Variants in UGT1A4 observed in about 807,000 individuals in gnomAD.
The protein encoded by UGT1A4 is UDP-glucuronosyltransferase 1A4.
In UGT1A4, 32 loss-of-function variants were observed where a neutral mutation model predicts 41.1. The observed-to-expected ratio is 0.78, with a 90% CI of 0.59 to 1.05. The LOEUF (loss-of-function observed/expected upper bound fraction) is 1.05, where lower values mean the gene tolerates loss of function less well. Ranked by LOEUF, UGT1A4 falls within the 50% of genes least tolerant of loss-of-function variation. The pLI, the probability that UGT1A4 is intolerant of heterozygous loss-of-function variation, is 0.00. For synonymous variants in UGT1A4, 283 were observed against 265.1 expected (o/e 1.07, Z -0.66); for missense variants, 748 against 677.4 (o/e 1.10, Z -1.16).
In UGT1A4 at chr2:233,760,763, T is replaced by C. The variant is rs587784539; in HGVS notation, c.868-6271T>C. 4.6e-5 allele frequency: 74 copies of C among 1,613,968 alleles called. 1 individual carries two copies. In the South Asian group the frequency reaches 7.5e-4, roughly 16 times the overall value. ...GACCCTTTCCTTCCTTGCAGCCCCA[T>C]CGTGGCCCAGTACCTGTCTCTGCCC... On this transcript the variant is annotated intron_variant, in intron 1 of 4. Transcript: ENST00000373409.
At chr2:233,725,000 CG>C (rs201780710) in intron 1 of UGT1A4, among the ~76,000 whole-genome samples, 7,734 of 147,282 alleles carry the variant, frequency 0.053, 1,119 homozygotes, top group African/African-American at 0.18. Context: ...GGCTGGAGAC[CG>C]GCCCGGCCAA....
intron 1 of UGT1A4, chr2:233,756,338 CTTGA>C (rs895884492): frequency 6.6e-6 from 1 of 152,178 alleles, no homozygotes; most frequent in Non-Finnish European, 1.5e-5. Context: ...CTAGTCATCT[CTTGA>C]TTACTTTTAC....
At chr2:233,766,979 T>C in intron 1 of UGT1A4, 55 bp from the exon 2 acceptor site, 1 of 1,612,672 alleles carries the variant, frequency 6.2e-7, no homozygotes, top group Non-Finnish European at 8.5e-7. Flanking sequence ...TTACTGTATG[T>C]AGTCATCAAA....
intron 1 of UGT1A4, among the ~76,000 whole-genome samples, chr2:233,724,528 C>T (rs1239231307): frequency 1.8e-5 from 2 of 112,842 alleles, no homozygotes; most frequent in Admixed American, 1.7e-4. Flanking sequence ...GATGGGGTCT[C>T]GCCGGGCAGA....
At chr2:233,766,592 C>T (rs1699195975) in intron 1 of UGT1A4, among the ~76,000 whole-genome samples, 1 of 152,146 alleles carries the variant, frequency 6.6e-6, no homozygotes, top group Admixed American at 6.5e-5. Flanking sequence ...GGAGCCCTCG[C>T]CAGGGACCAC....
intron 1 of UGT1A4, among the ~76,000 whole-genome samples, chr2:233,727,195 C>T (rs2077591611): frequency 6.6e-6 from 1 of 152,150 alleles, no homozygotes; most frequent in Non-Finnish European, 1.5e-5. Flanking sequence ...GCTGGGGTGA[C>T]CTCACTGACA....
intron 1 of UGT1A4, chr2:233,760,636 A>G (rs1559407230): frequency 6.2e-7 from 1 of 1,614,144 alleles, no homozygotes; most frequent in South Asian, 1.1e-5. Context: ...CAAGAAAATA[A>G]AAAAGGACTC....
At chr2:233,767,675 C>G (rs1273555402) in intron 2 of UGT1A4, among the ~76,000 whole-genome samples, 174 bp from the exon 3 acceptor site, 1 of 152,180 alleles carries the variant, frequency 6.6e-6, no homozygotes, top group Non-Finnish European at 1.5e-5. Context: ...ACTAAACCTC[C>G]AAAACAAGAT....
At chr2:233,755,025 G>C (rs766586741) in intron 1 of UGT1A4, 29 of 1,306,918 alleles carry the variant, frequency 2.2e-5, no homozygotes, top group Admixed American at 7.6e-5. Context: ...GTCCTTGAAG[G>C]GCCTGCCGCC....
chr2:233,724,364 G>T (rs1172748596), intron 1 of UGT1A4, among the ~76,000 whole-genome samples: 6 of 145,700 alleles, frequency 4.1e-5, no homozygotes, highest in South Asian at 4.7e-4. Context: ...CCTCCCGGAC[G>T]GGGTGGCTGC....
intron 1 of UGT1A4, among the ~76,000 whole-genome samples, chr2:233,761,349 C>T (rs963345880): frequency 6.6e-6 from 1 of 152,178 alleles, no homozygotes; most frequent in African/African-American, 2.4e-5. Flanking sequence ...TCTGAGATTT[C>T]GGGAAAGCAT....
intron 1 of UGT1A4, among the ~76,000 whole-genome samples, chr2:233,737,663 G>A (rs918279158): frequency 3.9e-5 from 6 of 152,176 alleles, no homozygotes; most frequent in South Asian, 4.1e-4. Context: ...GCTGCAGATC[G>A]GAGCTGTTCC....
rs1316565909 is a variant in UGT1A4, at chr2:233,767,035, A to G, written c.869A>G (p.Glu290Gly). 6.2e-7 allele frequency: 1 copy of G among 1,614,064 alleles called. No homozygotes were observed. The highest frequency in any genetic ancestry group is 1.7e-5 in the Admixed American group (1 of 60,022). ...NCANGKPLSQ[E>G]FEAYINASGE... The stretch of plus-strand genomic sequence containing the variant: ...TGAAAATTTTTCTTCTGGCTCTAGG[A>G]ATTTGAAGCCTACATTAATGCTTCT... The change falls in exon 2 of 5, where the codon GAA (glutamate) becomes GGA (glycine). Residue 290 changes from glutamate to glycine, a missense_variant and splice_region_variant. Coordinates refer to ENST00000373409, the MANE Select transcript of UGT1A4 (RefSeq NM_007120.3).
At chr2:233,724,343 C>A (rs2077229660) in intron 1 of UGT1A4, among the ~76,000 whole-genome samples, 1 of 142,888 alleles carries the variant, frequency 7.0e-6, no homozygotes, top group Admixed American at 6.9e-5. Context: ...GGGGCTGACC[C>A]CCCCCACCTC....
intron 3 of UGT1A4, 118 bp from the exon 4 acceptor site, chr2:233,768,102 A>T (rs1036317794): frequency 6.3e-7 from 1 of 1,593,190 alleles, no homozygotes; most frequent in African/African-American, 1.3e-5. Context: ...TCTTCTGCAA[A>T]TTTCTGCAAG....
intron 1 of UGT1A4, among the ~76,000 whole-genome samples, chr2:233,764,826 T>G (rs932278016): frequency 5.9e-5 from 9 of 151,744 alleles, no homozygotes; most frequent in African/African-American, 2.2e-4. Flanking sequence ...TGCAGCATGG[T>G]GGTGGGGAGG....
intron 3 of UGT1A4, 61 bp from the exon 4 acceptor site, chr2:233,768,159 T>A (rs1021483824): frequency 8.1e-6 from 13 of 1,613,176 alleles, no homozygotes; most frequent in African/African-American, 1.3e-5. Context: ...AGAACCTAGA[T>A]GTGTCCAGCT....
intron 1 of UGT1A4, among the ~76,000 whole-genome samples, chr2:233,752,887 C>T (rs1345633016): frequency 1.1e-4 from 17 of 152,134 alleles, no homozygotes; most frequent in Admixed American, 1.1e-3. Flanking sequence ...TAAAACTAGC[C>T]AGCGTTGTTA....
At chr2:233,740,151 C>T (rs534667918) in intron 1 of UGT1A4, among the ~76,000 whole-genome samples, 23 of 151,980 alleles carry the variant, frequency 1.5e-4, no homozygotes, top group South Asian at 1.2e-3. Context: ...TTCCTGAGGC[C>T]TCCCCAGTCA....
Sources: allele counts gnomAD v4.1 joint callset (sites outside exome capture counted in the v4.1 genomes callset), GRCh38; gene constraint gnomAD v4.1.1; transcripts MANE v1.5; gene names NCBI Gene and HGNC (gene_info 2026-07-23, HGNC 2026-07-21).